Variants in NELL1 observed in about 807,000 individuals in gnomAD.
The protein encoded by NELL1 is neural EGFL like 1.
A neutral mutation model predicts 107.4 loss-of-function variants in NELL1; 76 were observed. The observed-to-expected ratio is 0.71, with a 90% CI of 0.59 to 0.86. The LOEUF (loss-of-function observed/expected upper bound fraction) is 0.86. Ranked by LOEUF, NELL1 falls within the 40% of genes least tolerant of loss-of-function variation. The pLI is 0.00. For synonymous variants in NELL1, 353 were observed against 341.2 expected, an observed-to-expected ratio of 1.03 and a Z score of -0.38; for missense variants, 1,024 against 1,005.5, an observed-to-expected ratio of 1.02 and a Z score of -0.25.
intron 13 of NELL1, among the ~76,000 whole-genome samples, chr11:21,143,992 G>T (rs1855921250): frequency 3.3e-5 from 5 of 152,144 alleles, no homozygotes; most frequent in Admixed American, 3.3e-4. Flanking sequence ...CAAAAATGAG[G>T]AACAGAACCA....
intron 12 of NELL1, among the ~76,000 whole-genome samples, chr11:21,109,748 A>C (rs1159885511): frequency 1.3e-5 from 2 of 152,162 alleles, no homozygotes; most frequent in East Asian, 3.9e-4. Flanking sequence ...CTCATCTATA[A>C]AATTTATAAA....
Position 21,382,738 on chromosome 11 carries a change from A to G in NELL1, c.1645+11790A>G, listed in dbSNP as rs77949573. The stretch of plus-strand genomic sequence containing the variant: ...GATTGGCATTCTCTGTCAAATAAAT[A>G]AAAGCTGTTAGAGATTACCTTGCCT... On this transcript the variant is annotated intron_variant, in intron 15 of 19. Transcript: ENST00000357134. Among the ~76,000 whole-genome samples, 1,078 of 152,076 alleles carry G rather than the reference A, an allele frequency of 7.1e-3. 11 individuals are homozygous for G. Among genetic ancestry groups the G allele is most frequent in the Middle Eastern group, 0.017 (5 of 294 alleles).
At chr11:21,279,650 GA>G (rs1848947141) in intron 14 of NELL1, among the ~76,000 whole-genome samples, 1 of 152,072 alleles carries the variant, frequency 6.6e-6, no homozygotes, top group Admixed American at 6.6e-5. Flanking sequence ...CATCACTTTG[GA>G]AAAAAGCAGT....
intron 15 of NELL1, among the ~76,000 whole-genome samples, chr11:21,410,926 A>C (rs1303902975): frequency 6.6e-6 from 1 of 151,886 alleles, no homozygotes; most frequent in Admixed American, 6.6e-5. Flanking sequence ...TTCTTCCCCC[A>C]CCCCCAACAG....
chr11:20,868,624 G>T (rs1271843828), intron 4 of NELL1, among the ~76,000 whole-genome samples: 1 of 151,934 alleles, frequency 6.6e-6, no homozygotes, highest in Non-Finnish European at 1.5e-5. Context: ...AATTGTACAT[G>T]AATTATATGA....
intron 5 of NELL1, among the ~76,000 whole-genome samples, chr11:20,894,947 T>C (rs984410150): frequency 3.3e-5 from 5 of 151,948 alleles, no homozygotes; most frequent in Non-Finnish European, 5.9e-5. Context: ...TTGTTAAGTA[T>C]AGTCAACCTA....
chr11:21,130,990 A>G (rs1458334395), intron 13 of NELL1, among the ~76,000 whole-genome samples: 1 of 152,080 alleles, frequency 6.6e-6, no homozygotes, highest in Non-Finnish European at 1.5e-5. Flanking sequence ...AGGATATTTT[A>G]TGACATCATA....
intron 13 of NELL1, among the ~76,000 whole-genome samples, chr11:21,167,969 C>A (rs1856521345): frequency 1.3e-5 from 2 of 151,742 alleles, no homozygotes; most frequent in Admixed American, 6.6e-5. Flanking sequence ...TTAGAGTACT[C>A]ACCAGAATCT....
chr11:21,481,000 C>G (rs1854479477), intron 15 of NELL1, among the ~76,000 whole-genome samples: 1 of 152,140 alleles, frequency 6.6e-6, no homozygotes, highest in Non-Finnish European at 1.5e-5. Context: ...TTACTAGTCA[C>G]TTTACCTCAG....
rs371486308 is a variant in NELL1 at position 21,401,272 on chromosome 11, G to A, written c.1645+30324G>A. On this transcript the variant is annotated intron_variant, in intron 15 of 19. Transcript: ENST00000357134. ...CTTGGGAAGAAAAATATATATCTTG[G>A]TGATATAAGTCTCCTGGAAACCATA... Among the ~76,000 whole-genome samples, 30 of 151,798 alleles carry A rather than the reference G, an allele frequency of 2.0e-4. No individual in the cohort carries two copies. The East Asian group carries it at 5.1e-3, about 26-fold the overall frequency.
At chr11:21,476,617 T>C (rs1219163750) in intron 15 of NELL1, among the ~76,000 whole-genome samples, 1 of 152,128 alleles carries the variant, frequency 6.6e-6, no homozygotes, top group Non-Finnish European at 1.5e-5. Flanking sequence ...GGAACCTTCA[T>C]AAGAACCAAA....
chr11:20,839,303 G>A (rs976741563), intron 3 of NELL1, among the ~76,000 whole-genome samples: 5 of 152,182 alleles, frequency 3.3e-5, no homozygotes, highest in Non-Finnish European at 5.9e-5. Context: ...AACAAAGGCA[G>A]TTTGTAATTG....
chr11:20,993,024 G>A (rs6483744), intron 12 of NELL1, among the ~76,000 whole-genome samples: 11,079 of 152,094 alleles, frequency 0.073, 530 homozygotes, highest in Middle Eastern at 0.21. Context: ...TGTGTTAGGC[G>A]GTTTGTGGCA....
chr11:21,158,679 T>C (rs1856298079), intron 13 of NELL1, among the ~76,000 whole-genome samples: 1 of 152,182 alleles, frequency 6.6e-6, no homozygotes, highest in Non-Finnish European at 1.5e-5. Context: ...TTTTCAGCCT[T>C]CATATCATAT....
chr11:21,025,856 C>A (rs1852803154), intron 12 of NELL1, among the ~76,000 whole-genome samples: 1 of 152,182 alleles, frequency 6.6e-6, no homozygotes, highest in African/African-American at 2.4e-5. Context: ...CTCCCCAAAC[C>A]TGCATCTTCT....
At chr11:21,271,504 G>A (rs189064316) in intron 14 of NELL1, among the ~76,000 whole-genome samples, 1 of 152,254 alleles carries the variant, frequency 6.6e-6, no homozygotes, top group East Asian at 1.9e-4. Flanking sequence ...TCAAACAGAA[G>A]CACCAGGCCC....
intron 12 of NELL1, among the ~76,000 whole-genome samples, chr11:21,003,548 C>T (rs2134276793): frequency 6.6e-6 from 1 of 152,158 alleles, no homozygotes; most frequent in East Asian, 1.9e-4. Context: ...AAATGTCTTG[C>T]CCATAGTCAT....
At chr11:21,553,558 A>G (rs1053232284) in intron 16 of NELL1, among the ~76,000 whole-genome samples, 3 of 151,860 alleles carry the variant, frequency 2.0e-5, no homozygotes, top group African/African-American at 7.2e-5. Context: ...CAAATTGGAA[A>G]TGGACAAGAT....
chr11:21,055,850 C>T (rs550035102), intron 12 of NELL1, among the ~76,000 whole-genome samples: 1 of 152,098 alleles, frequency 6.6e-6, no homozygotes, highest in South Asian at 2.1e-4. Flanking sequence ...TTTAAAAATG[C>T]TTTTTTGGTT....
Sources: gnomAD v4.1 joint callset for allele counts (sites outside exome capture counted in the v4.1 genomes callset) on GRCh38, gnomAD v4.1.1 for gene constraint, MANE v1.5 for transcripts, NCBI Gene and HGNC (gene_info 2026-07-23, HGNC 2026-07-21) for gene names.